The following KLHL13 variants were observed in gnomAD, a reference collection of about 807,000 sequenced individuals.
KLHL13 encodes the protein kelch like family member 13.
KLHL13 carries 10 observed loss-of-function variants against 37.1 expected under a neutral mutation model. The observed-to-expected ratio is 0.27, with a 90% CI of 0.17 to 0.46. The LOEUF (loss-of-function observed/expected upper bound fraction) is 0.46. Ranked by LOEUF, KLHL13 falls within the 20% of genes least tolerant of loss-of-function variation. KLHL13 has a pLI of 1.00. For missense variants in KLHL13, 360 were observed against 509.3 expected (o/e 0.71, Z 2.82); for synonymous variants, 163 against 181.2 (o/e 0.90, Z 0.81).
chrX:117,983,945 AT>A (rs1263013597), intron 1 of KLHL13, among the ~76,000 whole-genome samples: 1 of 111,847 alleles, frequency 8.9e-6, no homozygotes, highest in Non-Finnish European at 1.9e-5. Flanking sequence ...CTAAAGGTCA[AT>A]TCTTTGCTGA....
chrX:118,106,492 G>A (rs1002585925), intron 1 of KLHL13, among the ~76,000 whole-genome samples: 2 of 111,606 alleles, frequency 1.8e-5, no homozygotes, highest in Non-Finnish European at 3.8e-5. Flanking sequence ...ATGATACTGA[G>A]AATGATCACT....
chrX:118,054,675 C>G (rs1408076053), intron 1 of KLHL13, among the ~76,000 whole-genome samples: 1 of 111,099 alleles, frequency 9.0e-6, no homozygotes, highest in Non-Finnish European at 1.9e-5. Flanking sequence ...AATTAAGAAC[C>G]CTCTTTAAGG....
chrX:118,091,139 GA>G (rs2055128806), intron 1 of KLHL13, among the ~76,000 whole-genome samples: 1 of 65,968 alleles, frequency 1.5e-5, no homozygotes, highest in Admixed American at 2.3e-4. Flanking sequence ...GGGGTGGGGG[GA>G]GGGGGGAGGG....
At chrX:118,020,409 C>T (rs1189801943) in intron 1 of KLHL13, among the ~76,000 whole-genome samples, 3 of 111,221 alleles carry the variant, frequency 2.7e-5, no homozygotes, top group African/African-American at 9.8e-5. Context: ...ACAATTTGGC[C>T]ATCAGAGAAA....
At chrX:117,931,562 C>T (rs1932454709) in intron 2 of KLHL13, among the ~76,000 whole-genome samples, 1 of 111,902 alleles carries the variant, frequency 8.9e-6, no homozygotes, top group South Asian at 3.7e-4. Flanking sequence ...TCTGCTGTTT[C>T]TATCAAGAAT....
intron 1 of KLHL13, among the ~76,000 whole-genome samples, chrX:118,095,909 T>C (rs1373785564): frequency 9.0e-6 from 1 of 111,651 alleles, no homozygotes. Flanking sequence ...TACCAGAATC[T>C]CTGGGACACA....
chrX:118,021,075 G>A lies in KLHL13; in HGVS notation c.-55-75500C>T, dbSNP rs999342938. Among the ~76,000 whole-genome samples, 146 of 103,148 alleles carry A rather than the reference G, an allele frequency of 1.4e-3. 1 individual carries two copies. Among genetic ancestry groups the A allele is most frequent in the African/African-American group, 4.8e-3 (138 of 28,617 alleles). 89.6% of individuals were successfully genotyped at this position (103,148 alleles called of 115,157 possible). Reference sequence around the variant, plus strand: ...GTTAGTGGGTGCAGTGCACCAGCACGGCACATGTATACATATGTAACTAAC... The same window carrying A: ...GTTAGTGGGTGCAGTGCACCAGCACAGCACATGTATACATATGTAACTAAC... On this transcript the variant is annotated intron_variant, in intron 1 of 6. Transcript: ENST00000371882.
chrX:117,907,471 ATG>A (rs1930625761), intron 5 of KLHL13, among the ~76,000 whole-genome samples: 2 of 112,156 alleles, frequency 1.8e-5, no homozygotes, highest in Non-Finnish European at 3.8e-5. Flanking sequence ...GACCAAGTTA[ATG>A]ACCTGTTATT....
intron 4 of KLHL13, 96 bp downstream of exon 5, chrX:117,919,425 G>A: frequency 4.4e-6 from 3 of 674,488 alleles, no homozygotes; most frequent in Non-Finnish European, 7.1e-6. Flanking sequence ...TCTGTCTAAT[G>A]GCAAGTTTCA....
At chrX:117,971,714 T>C (rs756386846) in intron 1 of KLHL13, among the ~76,000 whole-genome samples, 24 of 111,356 alleles carry the variant, frequency 2.2e-4, no homozygotes, top group African/African-American at 4.6e-4. Flanking sequence ...AAGAAAGAGA[T>C]AGATATAATT....
intron 1 of KLHL13, among the ~76,000 whole-genome samples, chrX:118,069,109 T>TCA (rs771534683): frequency 0.087 from 7,268 of 83,858 alleles, 274 homozygotes; most frequent in African/African-American, 0.12. Flanking sequence ...TCCAGAAGAG[T>TCA]CACACACACA....
At chrX:117,925,611 C>T (rs1931965119) in intron 2 of KLHL13, among the ~76,000 whole-genome samples, 1 of 111,747 alleles carries the variant, frequency 8.9e-6, no homozygotes, top group Non-Finnish European at 1.9e-5. Flanking sequence ...AAACTCTGTG[C>T]TCATTATTAT....
chrX:118,092,667 C>A (rs1043516481), intron 1 of KLHL13, among the ~76,000 whole-genome samples: 2 of 111,673 alleles, frequency 1.8e-5, no homozygotes, highest in African/African-American at 6.5e-5. Context: ...TTCCTTCCCC[C>A]TCCTCTTGAG....
At chrX:118,027,870 C>G (rs1045291190) in intron 1 of KLHL13, among the ~76,000 whole-genome samples, 18 of 111,424 alleles carry the variant, frequency 1.6e-4, no homozygotes, top group Non-Finnish European at 3.2e-4. Context: ...ATGTTTCATC[C>G]AAACTGTACA....
At chrX:117,967,297 C>A (rs984484401) in intron 1 of KLHL13, among the ~76,000 whole-genome samples, 2 of 111,780 alleles carry the variant, frequency 1.8e-5, no homozygotes, top group Non-Finnish European at 3.8e-5. Flanking sequence ...AGCAATACAT[C>A]ATGGCAGCCA....
chrX:118,063,633 A>G (rs2054765142), intron 1 of KLHL13, among the ~76,000 whole-genome samples: 1 of 111,836 alleles, frequency 8.9e-6, no homozygotes, highest in Admixed American at 9.5e-5. Context: ...TTGTAAAGGA[A>G]TAGCCAAACT....
intron 1 of KLHL13, among the ~76,000 whole-genome samples, chrX:118,036,912 C>A (rs2054450808): frequency 1.0e-5 from 1 of 100,022 alleles, no homozygotes; most frequent in Non-Finnish European, 2.0e-5. Flanking sequence ...AAACAAACAA[C>A]CCCATCAAAA....
chrX:117,990,018 G>A (rs2053770490), intron 1 of KLHL13, among the ~76,000 whole-genome samples: 2 of 111,249 alleles, frequency 1.8e-5, no homozygotes, highest in Non-Finnish European at 3.8e-5. Context: ...GGCGATTTTG[G>A]TGAAATCAAG....
intron 1 of KLHL13, among the ~76,000 whole-genome samples, chrX:118,084,208 G>T (rs187723941): frequency 9.0e-6 from 1 of 110,900 alleles, no homozygotes; most frequent in East Asian, 2.8e-4. Flanking sequence ...ACATGCACCT[G>T]TAGTCCTACC....
Sources: gnomAD v4.1 joint callset for allele counts (sites outside exome capture counted in the v4.1 genomes callset) on GRCh38, gnomAD v4.1.1 for gene constraint, MANE v1.5 for transcripts, NCBI Gene and HGNC (gene_info 2026-07-23, HGNC 2026-07-21) for gene names.